The following PCED1B variants were observed in gnomAD, a reference collection of about 807,000 sequenced individuals.
PCED1B encodes PC-esterase domain containing 1B.
For missense variants in PCED1B, 573 were observed against 573.9 expected, an observed-to-expected ratio of 1.00 and a Z score of 0.02; for synonymous variants, 251 against 246.1, an observed-to-expected ratio of 1.02 and a Z score of -0.19.
intron 2 of PCED1B, among the ~76,000 whole-genome samples, chr12:47,130,389 G>A (rs1940075672): frequency 6.6e-6 from 1 of 152,082 alleles, no homozygotes; most frequent in Non-Finnish European, 1.5e-5. Flanking sequence ...TTCACTATAT[G>A]TTTGAGGCTA....
chr12:47,195,436 A>G (rs902117790), intron 2 of PCED1B, among the ~76,000 whole-genome samples: 2 of 152,164 alleles, frequency 1.3e-5, no homozygotes, highest in Non-Finnish European at 2.9e-5. Context: ...CATATTAATT[A>G]TGTGTACAAT....
At chr12:47,221,540 A>G (rs964980913) in intron 3 of PCED1B, among the ~76,000 whole-genome samples, 1 of 152,120 alleles carries the variant, frequency 6.6e-6, no homozygotes, top group Non-Finnish European at 1.5e-5. Flanking sequence ...CTTCACAATT[A>G]AAACAAAACC....
chr12:47,095,057 C>T (rs2137191268), intron 1 of PCED1B, among the ~76,000 whole-genome samples: 1 of 145,518 alleles, frequency 6.9e-6, no homozygotes, highest in African/African-American at 2.5e-5. Flanking sequence ...CTGGTGTGTG[C>T]CACTGTGCCC....
At chr12:47,143,839 A>G (rs1940687184) in intron 2 of PCED1B, among the ~76,000 whole-genome samples, 1 of 152,162 alleles carries the variant, frequency 6.6e-6, no homozygotes, top group South Asian at 2.1e-4. Context: ...TCAAAATAGT[A>G]TGGTACTGGT....
intron 1 of PCED1B, among the ~76,000 whole-genome samples, chr12:47,094,469 CT>C (rs1326676603): frequency 6.6e-6 from 1 of 151,958 alleles, no homozygotes; most frequent in Admixed American, 6.6e-5. Context: ...GTGCTCTTTT[CT>C]TTTATATTCC....
chr12:47,080,183 A>G (rs571422807), intron 1 of PCED1B, among the ~76,000 whole-genome samples: 163 of 152,154 alleles, frequency 1.1e-3, no homozygotes, highest in African/African-American at 3.9e-3. Context: ...CCTTGAGTCA[A>G]GATGCCCAAC....
chr12:47,117,680 C>A (rs1251630416), intron 2 of PCED1B, among the ~76,000 whole-genome samples: 1 of 152,030 alleles, frequency 6.6e-6, no homozygotes, highest in African/African-American at 2.4e-5. Flanking sequence ...GTCTTTATAG[C>A]AGCATGATTT....
intron 1 of PCED1B, among the ~76,000 whole-genome samples, chr12:47,101,032 T>G (rs1343693600): frequency 6.6e-6 from 1 of 152,064 alleles, no homozygotes; most frequent in Non-Finnish European, 1.5e-5. Context: ...ATCGTGCCTC[T>G]GCACTCCAGC....
intron 1 of PCED1B, among the ~76,000 whole-genome samples, chr12:47,089,316 G>A (rs983116421): frequency 3.4e-4 from 51 of 150,918 alleles, no homozygotes; most frequent in African/African-American, 1.2e-3. Flanking sequence ...GCGTGGTGAC[G>A]GGCACCTGTA....
At chr12:47,229,569 A>G (rs938890599) in intron 3 of PCED1B, among the ~76,000 whole-genome samples, 1 of 152,192 alleles carries the variant, frequency 6.6e-6, no homozygotes, top group Non-Finnish European at 1.5e-5. Flanking sequence ...TTTATGTTTC[A>G]TATACAGCAT....
chr12:47,178,983 C>T (rs922615736), intron 2 of PCED1B, among the ~76,000 whole-genome samples: 6 of 151,958 alleles, frequency 3.9e-5, no homozygotes, highest in African/African-American at 1.5e-4. Flanking sequence ...CTATTGTTTA[C>T]AACAGGCCCT....
chr12:47,192,811 C>G (rs1942486343), intron 2 of PCED1B, among the ~76,000 whole-genome samples: 2 of 152,286 alleles, frequency 1.3e-5, no homozygotes, highest in Non-Finnish European at 2.9e-5. Context: ...ACCATCATTC[C>G]TTGAGACAAG....
At chr12:47,130,662 C>G (rs1940088185) in intron 2 of PCED1B, among the ~76,000 whole-genome samples, 1 of 152,104 alleles carries the variant, frequency 6.6e-6, no homozygotes. Context: ...CTACTCCAAC[C>G]TGGATAACAA....
intron 3 of PCED1B, among the ~76,000 whole-genome samples, chr12:47,234,428 C>T (rs569379075): frequency 4.6e-5 from 7 of 152,172 alleles, no homozygotes; most frequent in Non-Finnish European, 8.8e-5. Context: ...AGAAGTCAAC[C>T]ATAATCCTAT....
chr12:47,192,641 C>T (rs1265371299), intron 2 of PCED1B, among the ~76,000 whole-genome samples: 4 of 152,180 alleles, frequency 2.6e-5, no homozygotes, highest in African/African-American at 7.2e-5. Context: ...GTCTCTGGTA[C>T]TAACTAGCTG....
chr12:47,192,826 A>T (rs548367960), intron 2 of PCED1B, among the ~76,000 whole-genome samples: 1 of 152,326 alleles, frequency 6.6e-6, no homozygotes, highest in South Asian at 2.1e-4. Context: ...GACAAGTACT[A>T]TCATTAACCC....
At chr12:47,101,171 G>A (rs1006764945) in intron 1 of PCED1B, among the ~76,000 whole-genome samples, 2 of 152,080 alleles carry the variant, frequency 1.3e-5, no homozygotes, top group Non-Finnish European at 2.9e-5. Context: ...ACTTGATATT[G>A]TAATATAATT....
At position 47,222,120 on chromosome 12, in the gene PCED1B, A is replaced by T. The variant is rs1355984383; in HGVS notation, c.-58+5431A>T. Reference sequence around the variant, plus strand: ...TCTATCTCTTAAAAAAAAAATTAAAAAAAAAAAAAAAAAAAACGCCCGGGC... The same window carrying T: ...TCTATCTCTTAAAAAAAAAATTAAATAAAAAAAAAAAAAAAACGCCCGGGC... On this transcript the variant is annotated intron_variant, in intron 3 of 3. Transcript: ENST00000546455. Among the ~76,000 whole-genome samples the T allele has an allele frequency of 9.8e-3, 912 of 93,200 alleles. 10 individuals carry two copies. The highest frequency in any genetic ancestry group is 0.022 in the Middle Eastern group (4 of 182). 61.1% of individuals were successfully genotyped at this position (93,200 alleles called of 152,430 possible). A position where few individuals can be genotyped will look rare whatever the true frequency, so the allele number is the denominator to read the frequency against.
chr12:47,111,926 GGTTCT>G (rs1263160383), intron 2 of PCED1B, among the ~76,000 whole-genome samples: 28 of 152,216 alleles, frequency 1.8e-4, no homozygotes, highest in African/African-American at 6.3e-4. Context: ...TCCATTCATG[GGTTCT>G]CTGATCGCTC....
Sources: gnomAD v4.1 joint callset for allele counts (sites outside exome capture counted in the v4.1 genomes callset) on GRCh38, gnomAD v4.1.1 for gene constraint, MANE v1.5 for transcripts, NCBI Gene and HGNC (gene_info 2026-07-23, HGNC 2026-07-21) for gene names.